The following NRG1 variants were observed in gnomAD, a reference collection of about 807,000 sequenced individuals.
NRG1 encodes the protein pro-neuregulin-1, membrane-bound isoform.
Under a neutral mutation model 63.8 loss-of-function variants are expected in NRG1, and 18 were observed. That is an observed-to-expected ratio of 0.28 (90% CI 0.19 to 0.42). NRG1 has a LOEUF of 0.42. Among genes scored for constraint, NRG1 ranks in the 10% least tolerant of loss-of-function variants. The pLI is 1.00. For missense variants in NRG1, 762 were observed against 814.7 expected, an observed-to-expected ratio of 0.94 and a Z score of 0.79; for synonymous variants, 302 against 301.3, an observed-to-expected ratio of 1.00 and a Z score of -0.02.
At chr8:32,163,504 G>A (rs1181376983) in intron 1 of NRG1, among the ~76,000 whole-genome samples, 1 of 152,148 alleles carries the variant, frequency 6.6e-6, no homozygotes, top group Non-Finnish European at 1.5e-5. Flanking sequence ...TCCTTGGCAA[G>A]AAGAAAAAGA....
chr8:32,209,291 C>T (rs1354389735), intron 1 of NRG1, among the ~76,000 whole-genome samples: 1 of 152,014 alleles, frequency 6.6e-6, no homozygotes, highest in Admixed American at 6.6e-5. Context: ...TTAATACTAA[C>T]ATTCTGGTTT....
intron 1 of NRG1, among the ~76,000 whole-genome samples, chr8:32,212,005 T>A (rs1586122445): frequency 6.6e-6 from 1 of 152,308 alleles, no homozygotes; most frequent in South Asian, 2.1e-4. Context: ...CCCAAATAGA[T>A]AAACATTTGC....
At chr8:31,769,612 C>A (rs1020164681) in intron 1 of NRG1, among the ~76,000 whole-genome samples, 2 of 152,154 alleles carry the variant, frequency 1.3e-5, no homozygotes, top group African/African-American at 2.4e-5. Context: ...GGGGAGGAAT[C>A]TGTGATGTTG....
chr8:32,462,534 C>T (rs1214284693), intron 1 of NRG1, among the ~76,000 whole-genome samples: 3 of 148,056 alleles, frequency 2.0e-5, no homozygotes, highest in Non-Finnish European at 4.5e-5. Flanking sequence ...TTTGAATATA[C>T]AATACAATAT....
intron 1 of NRG1, among the ~76,000 whole-genome samples, chr8:32,529,956 T>C (rs1278401300): frequency 6.6e-6 from 1 of 152,188 alleles, no homozygotes; most frequent in Non-Finnish European, 1.5e-5. Flanking sequence ...CATTATCAAG[T>C]ATTATGTACT....
intron 1 of NRG1, among the ~76,000 whole-genome samples, chr8:32,159,357 A>G (rs1047102712): frequency 4.0e-5 from 6 of 149,940 alleles, no homozygotes; most frequent in Non-Finnish European, 7.4e-5. Flanking sequence ...ACAAGGTGAA[A>G]CCCCGTCTCT....
chr8:32,382,922 A>T (rs1055539463), intron 1 of NRG1, among the ~76,000 whole-genome samples: 5 of 152,178 alleles, frequency 3.3e-5, no homozygotes, highest in African/African-American at 1.2e-4. Flanking sequence ...AAATAATATG[A>T]AAACTTGAGG....
chr8:31,735,955 A>G (rs1422058733), intron 1 of NRG1, among the ~76,000 whole-genome samples: 7 of 152,130 alleles, frequency 4.6e-5, no homozygotes. Context: ...ATAACCTCAC[A>G]TCTGTCCTTT....
rs1316727304 is a variant in NRG1, at chr8:32,111,473, G to A, written c.37+472042G>A. On this transcript the variant is annotated intron_variant, in intron 1 of 10. Coordinates refer to the NRG1 transcript ENST00000519301. ...TGATGATTGTATGGATGACTCTCTG[G>A]TCTGTGTTGTCAGTATTCAAGTGGT... Among the ~76,000 whole-genome samples, 3 of 152,050 alleles carry A rather than the reference G, an allele frequency of 2.0e-5. No individual in the cohort carries two copies. The East Asian group carries it at 5.8e-4, about 29-fold the overall frequency.
intron 1 of NRG1, among the ~76,000 whole-genome samples, chr8:32,164,684 A>C (rs7815585): frequency 6.6e-6 from 1 of 152,174 alleles, no homozygotes; most frequent in Non-Finnish European, 1.5e-5. Context: ...TACTCACAAC[A>C]TAAGTTGGAT....
At chr8:32,712,602 T>C (rs531974930) in intron 5 of NRG1, among the ~76,000 whole-genome samples, 4 of 152,338 alleles carry the variant, frequency 2.6e-5, no homozygotes, top group South Asian at 2.1e-4. Context: ...CTCGTTAAAA[T>C]GATGACTTCT....
rs778270455 is a variant in NRG1 at position 31,640,652 on chromosome 8, T to A, written c.37+1221T>A. On this transcript the variant is annotated intron_variant, in intron 1 of 10. Transcript: ENST00000519301. This position sits in a 1 kb window ranked among gnomAD's most constrained non-coding sequence, Gnocchi z 6.3. Reference sequence around the variant, plus strand: ...AGCACCAGCCGCGCGCCGGCCGCCTTCCGAGCCTCTTTCCCCCCTCTGGAG... The same window carrying A: ...AGCACCAGCCGCGCGCCGGCCGCCTACCGAGCCTCTTTCCCCCCTCTGGAG... 14 of 1,608,618 alleles carry A rather than the reference T, an allele frequency of 8.7e-6. No individual in the cohort carries two copies. Among genetic ancestry groups the A allele is most frequent in the Non-Finnish European group, 1.2e-5 (14 of 1,178,474 alleles).
chr8:32,035,973 A>G (rs1346582770), intron 1 of NRG1, among the ~76,000 whole-genome samples: 3 of 152,170 alleles, frequency 2.0e-5, no homozygotes, highest in Non-Finnish European at 4.4e-5. Flanking sequence ...TCCTGTCATT[A>G]TGATGCTAGC....
At chr8:32,679,124 C>G (rs1807954858) in intron 5 of NRG1, among the ~76,000 whole-genome samples, 1 of 151,512 alleles carries the variant, frequency 6.6e-6, no homozygotes, top group South Asian at 2.1e-4. Flanking sequence ...AGACATCACC[C>G]CAAAATAAAA....
chr8:32,193,275 A>G (rs1842664963), intron 1 of NRG1, among the ~76,000 whole-genome samples: 1 of 150,992 alleles, frequency 6.6e-6, no homozygotes, highest in Non-Finnish European at 1.5e-5. Flanking sequence ...AATGAATCAC[A>G]TTGATATAGT....
At chr8:31,898,771 A>T (rs1437785456) in intron 1 of NRG1, among the ~76,000 whole-genome samples, 2 of 152,200 alleles carry the variant, frequency 1.3e-5, no homozygotes, top group African/African-American at 4.8e-5. Flanking sequence ...GGTAAAGATG[A>T]TGGGACAGTG....
At chr8:32,426,294 A>T (rs1817362330) in intron 1 of NRG1, among the ~76,000 whole-genome samples, 1 of 152,168 alleles carries the variant, frequency 6.6e-6, no homozygotes, top group Admixed American at 6.6e-5. Flanking sequence ...CTGAAACATC[A>T]ATGTATGAAT....
At chr8:32,740,011 A>C (rs1341894847) in intron 6 of NRG1, among the ~76,000 whole-genome samples, 1 of 152,154 alleles carries the variant, frequency 6.6e-6, no homozygotes, top group African/African-American at 2.4e-5. Flanking sequence ...TGTCTATATG[A>C]ACTTATAGTC....
chr8:32,364,012 A>G lies in NRG1; in HGVS notation c.38-231816A>G, dbSNP rs1206721151. On this transcript the variant is annotated intron_variant, in intron 1 of 10. Coordinates refer to the NRG1 transcript ENST00000519301. ...TAAACAATTTTTTAAGAGAACAAAA[A>G]ATGTACTATAATCCCACCAGCCAAT... is the stretch of plus-strand genomic sequence containing the variant. Among the ~76,000 whole-genome samples, 5 of 151,588 alleles carry G rather than the reference A, an allele frequency of 3.3e-5. No homozygotes were observed. The East Asian group carries it at 9.7e-4, about 29-fold the overall frequency.
Sources: allele counts gnomAD v4.1 joint callset (sites outside exome capture counted in the v4.1 genomes callset), GRCh38; gene constraint gnomAD v4.1.1; non-coding constraint Gnocchi (gnomAD v3.1); transcripts MANE v1.5; gene names NCBI Gene and HGNC (gene_info 2026-07-23, HGNC 2026-07-21).